KDM2B: variants seen among roughly 807,000 people sequenced by gnomAD.
The protein encoded by KDM2B is lysine demethylase 2B, also known as lysine-specific demethylase 2B.
KDM2B carries 26 observed loss-of-function variants against 150.0 expected under a neutral mutation model. The ratio of observed to expected loss-of-function variants is 0.17; its 90% confidence interval spans 0.13 to 0.24. The LOEUF is 0.24. Among genes scored for constraint, KDM2B ranks in the 10% least tolerant of loss-of-function variants. The probability of loss-of-function intolerance (pLI) is 1.00; values close to 1 mark genes in which losing one functional copy is unlikely to be tolerated. For missense variants in KDM2B, 1,265 were observed against 1,816.9 expected (o/e 0.70, Z 5.52); for synonymous variants, 734 against 729.5 (o/e 1.01, Z -0.10).
At chr12:121,469,857 G>A (rs1333081506) in intron 12 of KDM2B, 3 of 152,246 alleles carry the variant, frequency 2.0e-5, no homozygotes, top group Non-Finnish European at 2.9e-5. Context: ...AGCACTTTGG[G>A]AGACTGAGGA....
intron 12 of KDM2B, among the ~76,000 whole-genome samples, chr12:121,488,774 A>G (rs1883042562): frequency 6.6e-6 from 1 of 150,844 alleles, no homozygotes; most frequent in Admixed American, 6.6e-5. Flanking sequence ...GGTGCCCACC[A>G]CCAGGCCTGG....
In KDM2B at chr12:121,494,671, G is replaced by A; in HGVS notation, c.1648-6C>T. The A allele has an allele frequency of 6.2e-7, 1 of 1,605,942 alleles. No homozygotes were observed. The highest frequency in any genetic ancestry group is 8.5e-7 in the Non-Finnish European group (1 of 1,175,920). ...GCGTGCTCCTTCAGGACGTTCTGTG[G>A]CCAAACAAAGCATCCATATTAGCCC... On this transcript the variant is annotated splice_region_variant and splice_polypyrimidine_tract_variant and intron_variant, in intron 11 of 22. Transcript: ENST00000377071.
At position 121,467,123 on chromosome 12, in the gene KDM2B, G is replaced by T; in HGVS notation, c.1735-13779C>A. On this transcript the variant is annotated intron_variant, in intron 12 of 22. Coordinates refer to ENST00000377071, the MANE Select transcript of KDM2B (RefSeq NM_032590.5). The surrounding 1 kb of genome is among the most constrained non-coding windows in gnomAD (Gnocchi z 5.1). ...ACAGGCGGTCGGGAGGTCGTGCGGC[G>T]GGTCCCTCCCTCAGCCCCACCCCGG... 9.1e-7 allele frequency: 1 copy of T among 1,103,956 alleles called. No individual in the cohort carries two copies. Among genetic ancestry groups the T allele is most frequent in the Non-Finnish European group, 1.1e-6 (1 of 884,742 alleles). 68.4% of individuals were successfully genotyped at this position (1,103,956 alleles called of 1,614,324 possible). A position where few individuals can be genotyped will look rare whatever the true frequency, so the allele number is the denominator to read the frequency against.
At chr12:121,540,437 A>T (rs1374398428) in intron 6 of KDM2B, among the ~76,000 whole-genome samples, 4 of 152,066 alleles carry the variant, frequency 2.6e-5, no homozygotes, top group Admixed American at 6.6e-5. Flanking sequence ...ACGGATGTGA[A>T]GGAGGGTTGA....
intron 12 of KDM2B, among the ~76,000 whole-genome samples, chr12:121,480,079 T>C (rs966626379): frequency 6.6e-6 from 1 of 151,786 alleles, no homozygotes; most frequent in Non-Finnish European, 1.5e-5. Context: ...CCACCACACC[T>C]GGCTCCTGAT....
the KDM2B span, chr12:121,409,794 CCT>C: frequency 6.6e-6 from 1 of 152,270 alleles, no homozygotes; most frequent in African/African-American, 2.4e-5. Flanking sequence ...GACTAAAACA[CCT>C]GTTTCACTGA....
chr12:121,547,286 T>C (rs1889128609), intron 6 of KDM2B, among the ~76,000 whole-genome samples: 1 of 152,206 alleles, frequency 6.6e-6, no homozygotes, highest in Admixed American at 6.6e-5. Context: ...GCCCAGTCTC[T>C]GCCTTTGATG....
In KDM2B at chr12:121,453,410, GGT is replaced by G; in HGVS notation, c.1735-68_1735-67del. On this transcript the variant is annotated intron_variant, in intron 12 of 22. Transcript: ENST00000377071. The surrounding 1 kb of genome is among the most constrained non-coding windows in gnomAD (Gnocchi z 6.4). ...CAGGCACGGCCAGACCCCCGGAAAG[GGT>G]GTTAGGGAGCAAACTGTGTACCCCC... 2 of 1,313,204 alleles carry G rather than the reference GGT, an allele frequency of 1.5e-6. No individual in the cohort carries two copies. The highest frequency in any genetic ancestry group is 2.1e-6 in the Non-Finnish European group (2 of 960,226). The allele number at this position is 1,313,204 out of a possible 1,614,324, so 81.3% of individuals were successfully genotyped here.
In KDM2B at chr12:121,467,300, TGGCTCG is replaced by T. The variant is rs782648177; in HGVS notation, c.1735-13962_1735-13957del. 319 of 983,590 alleles carry T rather than the reference TGGCTCG, an allele frequency of 3.2e-4. 1 individual carries two copies. The highest frequency in any genetic ancestry group is 2.6e-3 in the African/African-American group (148 of 56,590). The allele number at this position is 983,590 out of a possible 1,614,324, so 60.9% of individuals were successfully genotyped here. A position where few individuals can be genotyped will look rare whatever the true frequency, so the allele number is the denominator to read the frequency against. ...CGCCCGGAGCAGGCTCGGCTCGCCC[TGGCTCG>T]GGCTCGGGCTCGGGCTCGGGCTCCC... On this transcript the variant is annotated intron_variant, in intron 12 of 22. Transcript: ENST00000377071. This position sits in a 1 kb window ranked among gnomAD's most constrained non-coding sequence, Gnocchi z 5.1.
intron 4 of KDM2B, among the ~76,000 whole-genome samples, chr12:121,564,223 T>C (rs1262411883): frequency 6.6e-6 from 1 of 152,080 alleles, no homozygotes; most frequent in African/African-American, 2.4e-5. Context: ...TTTGGGAAGC[T>C]GAAGCGGGTG....
intron 12 of KDM2B, chr12:121,470,435 G>T (rs1555295765): frequency 1.3e-5 from 2 of 152,180 alleles, no homozygotes; most frequent in Admixed American, 1.3e-4. Context: ...TTAGGGAGTG[G>T]CTTTCAAGAC....
In KDM2B at chr12:121,474,235, C is replaced by T. The variant is rs781906943; in HGVS notation, c.1734+20344G>A. Among the ~76,000 whole-genome samples the T allele has an allele frequency of 4.6e-5, 7 of 152,026 alleles. No individual in the cohort carries two copies. The South Asian group carries it at 8.3e-4, about 18-fold the overall frequency. ...TTAAAATTTTTAGGTTAGGTACGGCCGGGCACGGTGGCTCACACCTGTAAT... is the reference window on the plus strand; with the variant it reads ...TTAAAATTTTTAGGTTAGGTACGGCTGGGCACGGTGGCTCACACCTGTAAT... On this transcript the variant is annotated intron_variant, in intron 12 of 22. Coordinates refer to ENST00000377071, the MANE Select transcript of KDM2B (RefSeq NM_032590.5).
chr12:121,521,132 C>G lies in KDM2B; in HGVS notation c.932-32G>C. 1 of 1,506,302 alleles carries G rather than the reference C, an allele frequency of 6.6e-7. No individual in the cohort carries two copies. Among genetic ancestry groups the G allele is most frequent in the Non-Finnish European group, 9.2e-7 (1 of 1,083,230 alleles). The allele number at this position is 1,506,302 out of a possible 1,614,324, so 93.3% of individuals were successfully genotyped here. ...TGGGAAGGGCAAGGAGAGGATGAGC[C>G]GCTGGCCCCTGTGGGCTCCCACACC... On this transcript the variant is annotated intron_variant, in intron 8 of 22. Transcript: ENST00000377071. This position sits in a 1 kb window ranked among gnomAD's most constrained non-coding sequence, Gnocchi z 4.9.
chr12:121,559,776 G>A (rs1555313549), intron 4 of KDM2B, among the ~76,000 whole-genome samples: 2 of 152,040 alleles, frequency 1.3e-5, no homozygotes, highest in African/African-American at 4.8e-5. Context: ...GGTGGCGCAT[G>A]CCTGTAATCC....
In KDM2B at chr12:121,533,044, G is replaced by T; in HGVS notation, c.778-85C>A. 1 of 1,388,930 alleles carries T rather than the reference G, an allele frequency of 7.2e-7. No individual in the cohort carries two copies. Among genetic ancestry groups the T allele is most frequent in the Non-Finnish European group, 1.0e-6 (1 of 997,324 alleles). The allele number at this position is 1,388,930 out of a possible 1,614,324, so 86.0% of individuals were successfully genotyped here. A position where few individuals can be genotyped will look rare whatever the true frequency, so the allele number is the denominator to read the frequency against. Reference sequence around the variant, plus strand: ...GGGCCCCACCTGCCTGGCGGAAGGGGAGGGGGCGAGACAAGCTGTGTGTGG... The same window carrying T: ...GGGCCCCACCTGCCTGGCGGAAGGGTAGGGGGCGAGACAAGCTGTGTGTGG... On this transcript the variant is annotated intron_variant, in intron 7 of 22. Coordinates refer to ENST00000377071, the MANE Select transcript of KDM2B (RefSeq NM_032590.5). This position sits in a 1 kb window ranked among gnomAD's most constrained non-coding sequence, Gnocchi z 4.1.
At position 121,453,105 on chromosome 12, in the gene KDM2B, G is replaced by C. The variant is rs142541530; in HGVS notation, c.1959+15C>G. ...GCCTGAATCGAGCGCAGGGCTGGGC[G>C]GGGGCCGCACTCACCGCGATGCACT... is the stretch of plus-strand genomic sequence containing the variant. On this transcript the variant is annotated intron_variant, in intron 13 of 22. Transcript: ENST00000377071. The surrounding 1 kb of genome is among the most constrained non-coding windows in gnomAD (Gnocchi z 6.4). 4 of 1,590,856 alleles carry C rather than the reference G, an allele frequency of 2.5e-6. No homozygotes were observed. The highest frequency in any genetic ancestry group is 2.6e-6 in the Non-Finnish European group (3 of 1,170,126).
intron 11 of KDM2B, among the ~76,000 whole-genome samples, chr12:121,495,501 T>C (rs1161430149): frequency 1.3e-5 from 2 of 152,164 alleles, no homozygotes; most frequent in African/African-American, 4.8e-5. Context: ...GTATATGCCA[T>C]GTTGCCCAAG....
chr12:121,551,714 G>A (rs146068080), intron 4 of KDM2B, among the ~76,000 whole-genome samples: 4 of 152,056 alleles, frequency 2.6e-5, no homozygotes, highest in Non-Finnish European at 4.4e-5. Flanking sequence ...CACCGCACCC[G>A]GCTCTTTTTC....
chr12:121,559,933 G>GAT (rs1323380814), intron 4 of KDM2B, among the ~76,000 whole-genome samples: 3 of 151,332 alleles, frequency 2.0e-5, no homozygotes, highest in Non-Finnish European at 2.9e-5. Context: ...TAACATCTAT[G>GAT]ATATATATAT....
Sources: gnomAD v4.1 joint callset for allele counts (sites outside exome capture counted in the v4.1 genomes callset) on GRCh38, gnomAD v4.1.1 for gene constraint, Gnocchi (gnomAD v3.1) non-coding constraint, MANE v1.5 for transcripts, NCBI Gene and HGNC (gene_info 2026-07-23, HGNC 2026-07-21) for gene names.